Variants in FAM114A2 observed in about 807,000 individuals in gnomAD.
FAM114A2 encodes protein FAM114A2.
FAM114A2 carries 53 observed loss-of-function variants against 58.4 expected under a neutral mutation model. The observed-to-expected ratio is 0.91, with a 90% CI of 0.73 to 1.14. The LOEUF (loss-of-function observed/expected upper bound fraction) is 1.14. Among genes scored for constraint, FAM114A2 ranks in the 50% most tolerant of loss-of-function variants. The pLI, the probability that FAM114A2 is intolerant of heterozygous loss-of-function variation, is 0.00. For missense variants in FAM114A2, 601 were observed against 581.1 expected (o/e 1.03, Z -0.35); for synonymous variants, 228 against 211.4 (o/e 1.08, Z -0.68).
chr5:154,018,873 C>T (rs1256421383), intron 8 of FAM114A2, among the ~76,000 whole-genome samples: 8 of 152,152 alleles, frequency 5.3e-5, no homozygotes, highest in African/African-American at 1.9e-4. Flanking sequence ...ATGATTAAAA[C>T]TCTCAACAAA....
chr5:153,993,999 G>GTGGAT (rs1769406040), intron 13 of FAM114A2, among the ~76,000 whole-genome samples: 1 of 152,126 alleles, frequency 6.6e-6, no homozygotes, highest in African/African-American at 2.4e-5. Context: ...AATCAAGGAA[G>GTGGAT]ATCCAGGGCA....
rs1335211479 is a variant in FAM114A2 at position 154,005,998 on chromosome 5, T to TC, written c.994-3030dup. ...CCCAGAATTTCACTGTAGGGTTCTT[T>TC]CCCTATATCCTCCCACAAAAACATT... On this transcript the variant is annotated intron_variant, in intron 9 of 13. Transcript: ENST00000351797. Among the ~76,000 whole-genome samples, 8 of 152,226 alleles carry TC rather than the reference T, an allele frequency of 5.3e-5. No individual in the cohort carries two copies. In the South Asian group the frequency reaches 1.4e-3, roughly 28 times the overall value.
At chr5:154,023,739 T>C (rs1020540877) in intron 8 of FAM114A2, among the ~76,000 whole-genome samples, 15 of 151,996 alleles carry the variant, frequency 9.9e-5, no homozygotes, top group Non-Finnish European at 2.9e-5. Flanking sequence ...AAAGAACTTA[T>C]GTAATCAAAC....
chr5:154,027,437 GATTGCC>G, intron 6 of FAM114A2, 103 bp from the exon 7 acceptor site: 1 of 885,604 alleles, frequency 1.1e-6, no homozygotes, highest in Non-Finnish European at 1.6e-6. Flanking sequence ...GAGTACAGAG[GATTGCC>G]CTTTCATTCT....
intron 9 of FAM114A2, among the ~76,000 whole-genome samples, chr5:154,009,813 C>T (rs565186023): frequency 1.3e-5 from 2 of 151,792 alleles, no homozygotes; most frequent in East Asian, 3.9e-4. Flanking sequence ...GACAAAAAGA[C>T]AAAAAAAGAC....
At chr5:154,028,776 T>A (rs1020474667) in intron 5 of FAM114A2, among the ~76,000 whole-genome samples, 2 of 152,196 alleles carry the variant, frequency 1.3e-5, no homozygotes, top group Admixed American at 1.3e-4. Flanking sequence ...ATGATTCCAC[T>A]TATGTAAAGC....
chr5:154,011,206 AAAATAAT>A (rs1284391400), intron 9 of FAM114A2, 28 bp downstream of exon 9: 1 of 1,469,842 alleles, frequency 6.8e-7, no homozygotes, highest in African/African-American at 1.4e-5. Context: ...TTTTACAAGT[AAAATAAT>A]GAAAATCACC....
At chr5:154,020,403 C>T (rs796349882) in intron 8 of FAM114A2, among the ~76,000 whole-genome samples, 23 of 151,936 alleles carry the variant, frequency 1.5e-4, no homozygotes, top group African/African-American at 5.3e-4. Flanking sequence ...ACACCATTAG[C>T]GAGACTAACA....
At chr5:154,006,891 G>C (rs1770387005) in intron 9 of FAM114A2, among the ~76,000 whole-genome samples, 1 of 151,114 alleles carries the variant, frequency 6.6e-6, no homozygotes, top group South Asian at 2.1e-4. Context: ...CTGCCACACT[G>C]GTTCAAGCTA....
At chr5:154,017,949 C>A (rs886855903) in intron 8 of FAM114A2, among the ~76,000 whole-genome samples, 2 of 152,120 alleles carry the variant, frequency 1.3e-5, no homozygotes, top group Non-Finnish European at 2.9e-5. Context: ...GCCGAAACAC[C>A]TACATCAAAA....
At chr5:153,996,892 G>A (rs1769595481) in intron 12 of FAM114A2, among the ~76,000 whole-genome samples, 1 of 151,804 alleles carries the variant, frequency 6.6e-6, no homozygotes, top group Non-Finnish European at 1.5e-5. Context: ...AGCTACTTGG[G>A]AGGCAGAGGC....
intron 4 of FAM114A2, 34 bp from the exon 5 acceptor site, chr5:154,029,614 G>T: frequency 8.1e-7 from 1 of 1,240,484 alleles, no homozygotes; most frequent in South Asian, 1.2e-5. Context: ...AACATGAAGG[G>T]AAGGTCCCTT....
In FAM114A2 at chr5:154,011,212, A is replaced by G. The variant is rs115567237; in HGVS notation, c.993+29T>C. 3.8e-4 allele frequency: 580 copies of G among 1,516,428 alleles called. 2 individuals are homozygous for G. The African/African-American group carries it at 6.9e-3, about 18-fold the overall frequency. The allele number at this position is 1,516,428 out of a possible 1,614,324, so 93.9% of individuals were successfully genotyped here. On this transcript the variant is annotated intron_variant, in intron 9 of 13. Coordinates refer to ENST00000351797, the MANE Select transcript of FAM114A2 (RefSeq NM_018691.4). ...CCACTACATTTTTACAAGTAAAATA[A>G]TGAAAATCACCAAGAAGCAATAACT...
intron 11 of FAM114A2, among the ~76,000 whole-genome samples, chr5:153,998,945 C>T (rs1468778724): frequency 1.3e-5 from 2 of 152,152 alleles, no homozygotes; most frequent in Admixed American, 6.5e-5. Flanking sequence ...AAAACAAAAA[C>T]ATATGCTGAG....
chr5:154,011,272 T>C lies in FAM114A2; in HGVS notation c.962A>G (p.His321Arg). Residue 321 changes from histidine to arginine, a missense_variant, in exon 9 of 14, where the codon CAC becomes CGC. His to Arg is a conservative substitution (Grantham distance 29, BLOSUM62 0). Transcript: ENST00000351797. The stretch of plus-strand genomic sequence containing the variant: ...AAGTTTCTCTGGTTTGGAGGAAACG[T>C]GCAGCTGGGAAAACAGCTCTGTTAT... ...KDITELFSQL[H>R]VSSKPEKLAR... The C allele has an allele frequency of 1.2e-6, 2 of 1,612,782 alleles. No homozygotes were observed. The highest frequency in any genetic ancestry group is 2.2e-5 in the South Asian group (2 of 90,718).
intron 5 of FAM114A2, 141 bp from the exon 6 acceptor site, chr5:154,028,424 C>T (rs1256464098): frequency 1.3e-5 from 8 of 608,148 alleles, no homozygotes; most frequent in African/African-American, 1.8e-5. Flanking sequence ...AACAATCACA[C>T]ACTGCTTGTG....
chr5:153,996,569 TAAAAA>T (rs199965680), intron 12 of FAM114A2, among the ~76,000 whole-genome samples: 1 of 143,072 alleles, frequency 7.0e-6, no homozygotes, highest in Non-Finnish European at 1.5e-5. Context: ...CTAGGAAAAT[TAAAAA>T]AAAAAAAAAA....
chr5:153,999,792 A>AAAAT (rs1255991995), intron 11 of FAM114A2, among the ~76,000 whole-genome samples: 33 of 152,212 alleles, frequency 2.2e-4, no homozygotes, highest in African/African-American at 8.0e-4. Context: ...TAGCCAAAGG[A>AAAAT]AAATAAATAA....
intron 8 of FAM114A2, among the ~76,000 whole-genome samples, chr5:154,012,131 T>C (rs1388979201): frequency 6.6e-6 from 1 of 151,632 alleles, no homozygotes; most frequent in Non-Finnish European, 1.5e-5. Context: ...TAAGACAAAA[T>C]GGTGGATAAG....
Sources: allele counts gnomAD v4.1 joint callset (sites outside exome capture counted in the v4.1 genomes callset), GRCh38; gene constraint gnomAD v4.1.1; transcripts MANE v1.5; gene names NCBI Gene and HGNC (gene_info 2026-07-23, HGNC 2026-07-21).